Variants in P3H2 observed in about 807,000 individuals in gnomAD.
The protein encoded by P3H2 is leprecan-like 1.
P3H2 carries 80 observed loss-of-function variants against 87.0 expected under a neutral mutation model. The ratio of observed to expected loss-of-function variants is 0.92; its 90% CI spans 0.77 to 1.11. The LOEUF (loss-of-function observed/expected upper bound fraction) is 1.11, where lower values mean the gene tolerates loss of function less well. P3H2 is among the 50% of genes least tolerant of loss of function. The pLI is 0.00. For synonymous variants in P3H2, 367 were observed against 359.3 expected (o/e 1.02, Z -0.24); for missense variants, 1,001 against 923.9 (o/e 1.08, Z -1.08).
chr3:190,077,998 C>T (rs1046643840), intron 1 of P3H2, among the ~76,000 whole-genome samples: 1 of 152,154 alleles, frequency 6.6e-6, no homozygotes, highest in Non-Finnish European at 1.5e-5. Flanking sequence ...CAAAACTGCT[C>T]CAACTGGCCC....
intron 1 of P3H2, among the ~76,000 whole-genome samples, chr3:190,089,558 G>A (rs1034663764): frequency 2.6e-5 from 4 of 152,136 alleles, no homozygotes; most frequent in Non-Finnish European, 5.9e-5. Context: ...AGGACTGGAC[G>A]GATGTTCTGT....
chr3:190,051,669 C>T (rs74820551), intron 1 of P3H2, among the ~76,000 whole-genome samples: 3,055 of 152,348 alleles, frequency 0.02, 112 homozygotes, highest in African/African-American at 0.07. Flanking sequence ...ACCTGCAATA[C>T]TTGTTTGTCA....
At chr3:190,045,759 A>G (rs1426886922) in intron 1 of P3H2, among the ~76,000 whole-genome samples, 2 of 141,936 alleles carry the variant, frequency 1.4e-5, no homozygotes, top group Non-Finnish European at 1.5e-5. Flanking sequence ...CCTTAGGAAG[A>G]TAATTTCGTC....
At chr3:190,029,575 ATAAT>A (rs890697314) in intron 1 of P3H2, among the ~76,000 whole-genome samples, 3 of 152,190 alleles carry the variant, frequency 2.0e-5, no homozygotes, top group Admixed American at 6.5e-5. Context: ...AACATGCTTA[ATAAT>A]TAAATATTAA....
At chr3:190,006,098 A>C (rs1231027027) in intron 1 of P3H2, among the ~76,000 whole-genome samples, 4 of 152,244 alleles carry the variant, frequency 2.6e-5, no homozygotes, top group African/African-American at 9.6e-5. Context: ...TTAGAAAGAA[A>C]GTTCTAGTCC....
Position 190,009,120 on chromosome 3 carries a change from G to A in P3H2, c.481-13678C>T, listed in dbSNP as rs117612168. Among the ~76,000 whole-genome samples the A allele has an allele frequency of 3.8e-3, 574 of 152,210 alleles. 8 individuals carry two copies. The highest frequency in any genetic ancestry group is 0.027 in the East Asian group (139 of 5,176). ...CATGAGTAAGACACAGAGGAAAAGC[G>A]TCATCTATATTTGAGAGTTAGTTTT... On this transcript the variant is annotated intron_variant, in intron 1 of 14. Transcript: ENST00000319332.
Position 189,988,790 on chromosome 3 carries a change from T to G in P3H2, c.955+117A>C, listed in dbSNP as rs914396857. ...GCTCAGGAGAGAAGAAATGCATAAA[T>G]TCCTATTGCTTTCATAATAAACTGA... On this transcript the variant is annotated intron_variant, in intron 4 of 14. Transcript: ENST00000319332. The G allele has an allele frequency of 7.9e-5, 103 of 1,300,330 alleles. No homozygotes were observed. The African/African-American group carries it at 1.2e-3, about 16-fold the overall frequency. The allele number at this position is 1,300,330 out of a possible 1,614,324, so 80.5% of individuals were successfully genotyped here.
intron 1 of P3H2, among the ~76,000 whole-genome samples, chr3:190,037,880 T>C (rs1018628354): frequency 9.4e-5 from 14 of 148,986 alleles, no homozygotes; most frequent in African/African-American, 3.5e-4. Context: ...TGGGCTCAAA[T>C]AACAATATCG....
intron 1 of P3H2, among the ~76,000 whole-genome samples, chr3:190,072,628 TA>T (rs1309929364): frequency 6.6e-6 from 1 of 152,212 alleles, no homozygotes; most frequent in Non-Finnish European, 1.5e-5. Context: ...CACAAATAAC[TA>T]AAAATCAGTA....
intron 1 of P3H2, among the ~76,000 whole-genome samples, chr3:190,095,712 T>C (rs2108988472): frequency 6.6e-6 from 1 of 151,768 alleles, no homozygotes; most frequent in South Asian, 2.1e-4. Flanking sequence ...GCCATTCTCC[T>C]GCCTCAGCCT....
intron 1 of P3H2, among the ~76,000 whole-genome samples, chr3:190,113,450 A>T (rs1339936932): frequency 6.6e-6 from 1 of 152,224 alleles, no homozygotes. Context: ...GCCCCAAAGC[A>T]GTTAGTTGAC....
rs540119624 is a variant in P3H2, at chr3:189,980,984, C to T, written c.1324+2062G>A. 4.7e-4 allele frequency among the ~76,000 whole-genome samples: 72 copies of T among 152,306 alleles called. 1 individual carries two copies. Among genetic ancestry groups the T allele is most frequent in the Non-Finnish European group, 2.9e-5 (2 of 68,030 alleles). On this transcript the variant is annotated intron_variant, in intron 8 of 14. Transcript: ENST00000319332. ...AAGCTCTATAAAAACTCTTGAACAACAAGATGTGATGAGCTTCTAGGTTGC... is the reference window on the plus strand; with the variant it reads ...AAGCTCTATAAAAACTCTTGAACAATAAGATGTGATGAGCTTCTAGGTTGC...
rs954663142 is a variant in P3H2, at chr3:190,067,264, A to G, written c.480+52988T>C. 4.8e-4 allele frequency among the ~76,000 whole-genome samples: 73 copies of G among 152,222 alleles called. 1 individual carries two copies. The highest frequency in any genetic ancestry group is 1.7e-3 in the African/African-American group (72 of 41,558). ...CTTTCAGACTCAAGGCATTCAAGAAATATTTACTAAATAAAAAGTGAAGGA... is the reference window on the plus strand; with the variant it reads ...CTTTCAGACTCAAGGCATTCAAGAAGTATTTACTAAATAAAAAGTGAAGGA... On this transcript the variant is annotated intron_variant, in intron 1 of 14. Coordinates refer to ENST00000319332, the MANE Select transcript of P3H2 (RefSeq NM_018192.4).
At chr3:190,010,416 A>G (rs1392961479) in intron 1 of P3H2, among the ~76,000 whole-genome samples, 2 of 152,226 alleles carry the variant, frequency 1.3e-5, no homozygotes, top group African/African-American at 2.4e-5. Flanking sequence ...TGAAACCTCT[A>G]AAGAAGAAAC....
chr3:190,030,359 C>T (rs906702705), intron 1 of P3H2, among the ~76,000 whole-genome samples: 1 of 152,100 alleles, frequency 6.6e-6, no homozygotes, highest in Non-Finnish European at 1.5e-5. Flanking sequence ...ATGGCTTGAG[C>T]CCAGCAGTTC....
intron 1 of P3H2, among the ~76,000 whole-genome samples, chr3:190,118,046 G>A (rs1356041889): frequency 1.3e-5 from 2 of 152,116 alleles, no homozygotes; most frequent in African/African-American, 4.8e-5. Context: ...CACTTACAGA[G>A]TGTGACTTGT....
At chr3:190,096,560 T>C (rs1424179400) in intron 1 of P3H2, among the ~76,000 whole-genome samples, 1 of 152,182 alleles carries the variant, frequency 6.6e-6, no homozygotes, top group Non-Finnish European at 1.5e-5. Flanking sequence ...CATAGCAGTG[T>C]GAAAATGAAC....
chr3:189,968,327 G>C (rs1182312955), intron 13 of P3H2, among the ~76,000 whole-genome samples: 1 of 152,094 alleles, frequency 6.6e-6, no homozygotes, highest in Non-Finnish European at 1.5e-5. Flanking sequence ...TCCCACTTAT[G>C]AGTGAGAACA....
rs1342463251 is a variant in P3H2 at position 189,957,695 on chromosome 3, C to A, written c.*217G>T. On this transcript the variant is annotated 3_prime_UTR_variant, in exon 15 of 15. Transcript: ENST00000319332. ...TAGACAACATGGTTAGACCATGTCTCTAAGAAGAGAGAGAGAGAGAGAGAG... is the reference window on the plus strand; with the variant it reads ...TAGACAACATGGTTAGACCATGTCTATAAGAAGAGAGAGAGAGAGAGAGAG... 1.8e-5 allele frequency: 8 copies of A among 452,278 alleles called. No homozygotes were observed. Among genetic ancestry groups the A allele is most frequent in the Non-Finnish European group, 3.1e-5 (8 of 254,456 alleles). 28.0% of individuals were successfully genotyped at this position (452,278 alleles called of 1,614,324 possible).
Sources: gnomAD v4.1 joint callset for allele counts (sites outside exome capture counted in the v4.1 genomes callset) on GRCh38, gnomAD v4.1.1 for gene constraint, MANE v1.5 for transcripts, NCBI Gene and HGNC (gene_info 2026-07-23, HGNC 2026-07-21) for gene names.